The following FAM178B variants were observed in gnomAD, a reference collection of about 807,000 sequenced individuals.
FAM178B encodes protein FAM178B.
In FAM178B, 82 loss-of-function variants were observed where a neutral mutation model predicts 91.7. The observed-to-expected ratio is 0.89, with a 90% CI of 0.75 to 1.07. FAM178B has a LOEUF of 1.07. Ranked by LOEUF, FAM178B falls within the 50% of genes least tolerant of loss-of-function variation. The pLI is 0.00. For synonymous variants in FAM178B, 368 were observed against 359.4 expected, an observed-to-expected ratio of 1.02 and a Z score of -0.27; for missense variants, 769 against 846.7, an observed-to-expected ratio of 0.91 and a Z score of 1.14.
chr2:96,912,491 G>A (rs1302761797), intron 12 of FAM178B, among the ~76,000 whole-genome samples: 2 of 152,010 alleles, frequency 1.3e-5, no homozygotes, highest in Admixed American at 6.5e-5. Flanking sequence ...AGGAAGCCAG[G>A]AGGGCCCTGG....
chr2:96,938,680 G>A (rs2081672705), intron 8 of FAM178B, among the ~76,000 whole-genome samples: 1 of 152,240 alleles, frequency 6.6e-6, no homozygotes, highest in Non-Finnish European at 1.5e-5. Flanking sequence ...GAACCCAACA[G>A]ATAACTAAAA....
rs60102987 is a variant in FAM178B at position 96,930,210 on chromosome 2, C to CAAAA, written c.1079-894_1079-891dup. ...GTGACAGAGCGAGACTCCGTCTCTC[C>CAAAA]AAAAAAAAAAAAAAAAAAAAAAAAA... On this transcript the variant is annotated intron_variant, in intron 8 of 16. Transcript: ENST00000490605. Among the ~76,000 whole-genome samples the CAAAA allele has an allele frequency of 4.8e-3, 188 of 39,494 alleles. 30 individuals are homozygous for CAAAA. Among genetic ancestry groups the CAAAA allele is most frequent in the African/African-American group, 0.021 (154 of 7,410 alleles). The allele number at this position is 39,494 out of a possible 152,430, so 25.9% of individuals were successfully genotyped here.
At chr2:96,918,961 G>A (rs1030660632) in intron 12 of FAM178B, among the ~76,000 whole-genome samples, 3 of 152,146 alleles carry the variant, frequency 2.0e-5, no homozygotes, top group Non-Finnish European at 2.9e-5. Context: ...TTGCTCAATC[G>A]ATCACGACCC....
At chr2:96,958,067 C>CTT (rs66515058) in intron 6 of FAM178B, among the ~76,000 whole-genome samples, 8 of 101,364 alleles carry the variant, frequency 7.9e-5, no homozygotes, top group East Asian at 3.0e-4. Flanking sequence ...TTTGAAGAAT[C>CTT]TTTTTTTTTT....
At chr2:96,931,995 A>T (rs185625729) in intron 8 of FAM178B, among the ~76,000 whole-genome samples, 1 of 152,168 alleles carries the variant, frequency 6.6e-6, no homozygotes, top group African/African-American at 2.4e-5. Context: ...AGAACTGTTC[A>T]CCAGGGCCTT....
At chr2:96,891,113 C>T (rs537466701) in intron 14 of FAM178B, among the ~76,000 whole-genome samples, 10 of 150,976 alleles carry the variant, frequency 6.6e-5, no homozygotes, top group African/African-American at 2.5e-4. Flanking sequence ...CCAGGACACA[C>T]GGCCAGTGCA....
intron 12 of FAM178B, among the ~76,000 whole-genome samples, chr2:96,908,670 T>C (rs2081098941): frequency 6.6e-6 from 1 of 152,198 alleles, no homozygotes; most frequent in African/African-American, 2.4e-5. Context: ...TTCTGTCCCA[T>C]GGTCAGGTGG....
intron 12 of FAM178B, among the ~76,000 whole-genome samples, chr2:96,915,776 A>T (rs1229001784): frequency 6.6e-6 from 1 of 151,376 alleles, no homozygotes; most frequent in Non-Finnish European, 1.5e-5. Flanking sequence ...AGACTGTGCC[A>T]TTGCACTCCA....
chr2:96,907,482 G>A (rs1222929891), intron 12 of FAM178B, among the ~76,000 whole-genome samples: 4 of 152,106 alleles, frequency 2.6e-5, no homozygotes, highest in Admixed American at 6.5e-5. Flanking sequence ...AAGCCATGGG[G>A]CCATCCCAGC....
intron 6 of FAM178B, among the ~76,000 whole-genome samples, chr2:96,952,568 G>C (rs2081944809): frequency 6.6e-6 from 1 of 152,178 alleles, no homozygotes; most frequent in South Asian, 2.1e-4. Context: ...CAAGATTCCA[G>C]ATCTTTGCAA....
At chr2:96,879,889 T>G (rs1006170389) in intron 14 of FAM178B, among the ~76,000 whole-genome samples, 5 of 152,260 alleles carry the variant, frequency 3.3e-5, no homozygotes, top group African/African-American at 1.2e-4. Flanking sequence ...GATGCACTGC[T>G]GGCTCCCTGA....
chr2:96,931,706 G>A (rs138797583), intron 8 of FAM178B, among the ~76,000 whole-genome samples: 8 of 152,298 alleles, frequency 5.3e-5, no homozygotes, highest in Non-Finnish European at 8.8e-5. Context: ...GCTGGCAGAC[G>A]GCAGGATGGC....
chr2:96,913,376 G>A (rs1308602532), intron 12 of FAM178B, among the ~76,000 whole-genome samples: 2 of 152,180 alleles, frequency 1.3e-5, no homozygotes, highest in African/African-American at 2.4e-5. Flanking sequence ...CTGTTTGGCC[G>A]TGCAGTTTCA....
At chr2:96,892,930 G>T (rs892644382) in intron 14 of FAM178B, among the ~76,000 whole-genome samples, 5 of 152,206 alleles carry the variant, frequency 3.3e-5, no homozygotes, top group African/African-American at 1.2e-4. Flanking sequence ...CTCCTGGGAG[G>T]CAGCAGCCTC....
At chr2:96,928,389 G>A (rs1262234091) in intron 9 of FAM178B, among the ~76,000 whole-genome samples, 1 of 152,166 alleles carries the variant, frequency 6.6e-6, no homozygotes, top group Non-Finnish European at 1.5e-5. Context: ...GCCCACCAGA[G>A]CTATTTATGC....
At chr2:96,899,834 C>T (rs187380886) in intron 13 of FAM178B, among the ~76,000 whole-genome samples, 20 of 149,400 alleles carry the variant, frequency 1.3e-4, no homozygotes, top group African/African-American at 3.2e-4. Flanking sequence ...CTGCCTCCCG[C>T]GCCCCCATTC....
At chr2:96,977,884 G>A (rs748843532) in intron 1 of FAM178B, 46 of 433,146 alleles carry the variant, frequency 1.1e-4, no homozygotes, top group South Asian at 6.9e-4. Flanking sequence ...TCAAGATCAC[G>A]AAGCCCAGGG....
Position 96,986,533 on chromosome 2 carries a change from G to T in FAM178B, c.-220C>A. 1.8e-6 allele frequency: 1 copy of T among 568,248 alleles called. No homozygotes were observed. Among genetic ancestry groups the T allele is most frequent in the Non-Finnish European group, 3.0e-6 (1 of 332,138 alleles). The allele number at this position is 568,248 out of a possible 1,614,324, so 35.2% of individuals were successfully genotyped here. A position where few individuals can be genotyped will look rare whatever the true frequency, so the allele number is the denominator to read the frequency against. ...GTTCCGACTCCAAACCAAGCGGCCA[G>T]CTCACAGCCGCCGCCGCCGCCAGCT... On this transcript the variant is annotated 5_prime_UTR_variant, in exon 1 of 17. The change creates a new upstream start codon in the 5' untranslated region. Transcript: ENST00000490605.
At chr2:96,944,177 G>A (rs887739200) in intron 8 of FAM178B, among the ~76,000 whole-genome samples, 1 of 149,932 alleles carries the variant, frequency 6.7e-6, no homozygotes, top group Non-Finnish European at 1.5e-5. Flanking sequence ...GGGAGGTGGA[G>A]CTTGCAGTGG....
Sources: allele counts gnomAD v4.1 joint callset (sites outside exome capture counted in the v4.1 genomes callset), GRCh38; gene constraint gnomAD v4.1.1; transcripts MANE v1.5; gene names NCBI Gene and HGNC (gene_info 2026-07-23, HGNC 2026-07-21).